Variants in SIL1 observed in about 807,000 individuals in gnomAD.
The protein encoded by SIL1 is SIL1 nucleotide exchange factor, also known as nucleotide exchange factor SIL1.
SIL1 carries 40 observed loss-of-function variants against 49.1 expected under a neutral mutation model. That is an observed-to-expected ratio of 0.81 (90% CI 0.63 to 1.06). The LOEUF is 1.06. Ranked by LOEUF, SIL1 falls within the 50% of genes least tolerant of loss-of-function variation. SIL1 has a pLI of 0.00. For missense variants in SIL1, 500 were observed against 572.6 expected, an observed-to-expected ratio of 0.87 and a Z score of 1.29; for synonymous variants, 253 against 250.8, an observed-to-expected ratio of 1.01 and a Z score of -0.08.
At chr5:139,175,729 G>A (rs549950936) in intron 1 of SIL1, among the ~76,000 whole-genome samples, 6 of 152,178 alleles carry the variant, frequency 3.9e-5, no homozygotes, top group East Asian at 3.9e-4. Context: ...TCGGGAGGCC[G>A]AGGCAGGCAG....
At chr5:139,073,252 T>G (rs1199139583) in intron 3 of SIL1, among the ~76,000 whole-genome samples, 1 of 152,180 alleles carries the variant, frequency 6.6e-6, no homozygotes, top group Non-Finnish European at 1.5e-5. Flanking sequence ...ACGTCTGCAC[T>G]CCCATGTTTA....
At chr5:139,040,059 A>T (rs1769004604) in intron 5 of SIL1, among the ~76,000 whole-genome samples, 1 of 122,630 alleles carries the variant, frequency 8.2e-6, no homozygotes, top group Admixed American at 7.6e-5. Context: ...ATGGCCGAAT[A>T]TCTGACAGTA....
chr5:139,174,575 A>G (rs1179327536), intron 1 of SIL1, among the ~76,000 whole-genome samples: 1 of 152,108 alleles, frequency 6.6e-6, no homozygotes, highest in Non-Finnish European at 1.5e-5. Flanking sequence ...CCAGGTACTC[A>G]GGAGGATCCT....
chr5:139,115,135 CAGGG>C (rs75479196), intron 3 of SIL1, among the ~76,000 whole-genome samples: 3,226 of 151,980 alleles, frequency 0.021, 45 homozygotes, highest in Non-Finnish European at 0.031. Flanking sequence ...CTTCCAGGAT[CAGGG>C]AGGGAGGGAG....
chr5:139,023,874 A>G (rs554722517), intron 6 of SIL1, among the ~76,000 whole-genome samples: 2 of 152,382 alleles, frequency 1.3e-5, no homozygotes, highest in Non-Finnish European at 2.9e-5. Context: ...CCTTCCAGTC[A>G]AAACACCAAT....
intron 3 of SIL1, among the ~76,000 whole-genome samples, chr5:139,107,218 C>T (rs186749848): frequency 6.6e-6 from 1 of 152,244 alleles, no homozygotes; most frequent in Admixed American, 6.5e-5. Flanking sequence ...TGTTGGGATC[C>T]CTGAGTAAGA....
chr5:138,964,268 G>A (rs1409075209), intron 7 of SIL1, among the ~76,000 whole-genome samples: 1 of 152,134 alleles, frequency 6.6e-6, no homozygotes, highest in East Asian at 1.9e-4. Flanking sequence ...AGAATACCAG[G>A]GCTAGAGCAA....
intron 3 of SIL1, among the ~76,000 whole-genome samples, chr5:139,084,647 G>A (rs1194887152): frequency 1.7e-5 from 2 of 120,034 alleles, no homozygotes; most frequent in African/African-American, 3.2e-5. Context: ...GGTCGGGGGA[G>A]GGGGGAGGGA....
In SIL1 at chr5:138,948,190, A is replaced by G. The variant is rs1227953821; in HGVS notation, c.1030-717T>C. Among the ~76,000 whole-genome samples, 1 of 152,186 alleles carries G rather than the reference A, an allele frequency of 6.6e-6. No homozygotes were observed. The highest frequency in any genetic ancestry group is 1.9e-4 in the East Asian group (1 of 5,192). On this transcript the variant is annotated intron_variant, in intron 9 of 9. Coordinates refer to ENST00000394817, the MANE Select transcript of SIL1 (RefSeq NM_022464.5). The surrounding 1 kb of genome is among the most constrained non-coding windows in gnomAD (Gnocchi z 4.8). ...CAAGAGGGAAGCCCAGGAGAAGAGG[A>G]GGCCACAGTGGACCACCTGTGCTTC...
chr5:139,050,027 G>A (rs2150453141), intron 4 of SIL1, among the ~76,000 whole-genome samples: 1 of 152,288 alleles, frequency 6.6e-6, no homozygotes, highest in African/African-American at 2.4e-5. Context: ...GTAAACAAAT[G>A]AGCATGGCTG....
chr5:139,103,671 A>G (rs1483359104), intron 3 of SIL1, among the ~76,000 whole-genome samples: 1 of 152,194 alleles, frequency 6.6e-6, no homozygotes, highest in Non-Finnish European at 1.5e-5. Context: ...GTGCAGAGGA[A>G]AGCAAATTCT....
intron 7 of SIL1, among the ~76,000 whole-genome samples, chr5:139,020,723 C>T (rs1355196190): frequency 6.6e-6 from 1 of 152,168 alleles, no homozygotes; most frequent in Non-Finnish European, 1.5e-5. Context: ...CTAGAGAGGG[C>T]GATAATCTGA....
At chr5:139,099,476 C>G (rs1437286145) in intron 3 of SIL1, among the ~76,000 whole-genome samples, 2 of 152,146 alleles carry the variant, frequency 1.3e-5, no homozygotes, top group Non-Finnish European at 2.9e-5. Flanking sequence ...TATCTGTACT[C>G]CATGTTTGTA....
chr5:139,154,236 A>G (rs1751364647), intron 1 of SIL1, among the ~76,000 whole-genome samples: 1 of 152,260 alleles, frequency 6.6e-6, no homozygotes, highest in South Asian at 2.1e-4. Context: ...CAGGTAAAAA[A>G]AAAGGCAAAA....
chr5:138,963,889 A>G (rs1343354153), intron 7 of SIL1, among the ~76,000 whole-genome samples: 1 of 152,172 alleles, frequency 6.6e-6, no homozygotes, highest in Non-Finnish European at 1.5e-5. Context: ...CTTGGCTCAC[A>G]TTGTAACAGA....
intron 7 of SIL1, among the ~76,000 whole-genome samples, chr5:138,987,415 A>G (rs1054594944): frequency 3.3e-5 from 5 of 152,144 alleles, no homozygotes; most frequent in Non-Finnish European, 5.9e-5. Flanking sequence ...CTAACTAGTC[A>G]TCCATTCTGG....
chr5:139,181,441 G>A lies in SIL1; in HGVS notation c.-11+16828C>T, dbSNP rs79725004. Among the ~76,000 whole-genome samples the A allele has an allele frequency of 5.5e-3, 836 of 152,298 alleles. 4 individuals carry two copies. The highest frequency in any genetic ancestry group is 8.9e-3 in the African/African-American group (371 of 41,558). On this transcript the variant is annotated intron_variant, in intron 1 of 9. Coordinates refer to ENST00000394817, the MANE Select transcript of SIL1 (RefSeq NM_022464.5). ...GGAGTTATATACAAGTCTCAGTACT[G>A]CAGAGGGACAAGCAGTACCAAATCA...
At chr5:138,996,488 G>C (rs1767872879) in intron 7 of SIL1, among the ~76,000 whole-genome samples, 2 of 124,942 alleles carry the variant, frequency 1.6e-5, no homozygotes, top group Non-Finnish European at 3.5e-5. Flanking sequence ...TCTCCACTTT[G>C]TTGGTTGTTT....
At chr5:139,121,455 G>A (rs996347971) in intron 2 of SIL1, among the ~76,000 whole-genome samples, 1 of 152,212 alleles carries the variant, frequency 6.6e-6, no homozygotes, top group African/African-American at 2.4e-5. Context: ...AGCAGGTTAA[G>A]GGAACACATT....
Sources: allele counts gnomAD v4.1 joint callset (sites outside exome capture counted in the v4.1 genomes callset), GRCh38; gene constraint gnomAD v4.1.1; non-coding constraint Gnocchi (gnomAD v3.1); transcripts MANE v1.5; gene names NCBI Gene and HGNC (gene_info 2026-07-23, HGNC 2026-07-21).